CSGALNACT2: variants seen among roughly 807,000 people sequenced by gnomAD.
CSGALNACT2 encodes the protein chondroitin sulfate N-acetylgalactosaminyltransferase 2.
CSGALNACT2 carries 35 observed loss-of-function variants against 55.3 expected under a neutral mutation model. That is an observed-to-expected ratio of 0.63 (90% CI 0.48 to 0.84). CSGALNACT2 has a LOEUF of 0.84. CSGALNACT2 is among the 40% of genes least tolerant of loss of function. The probability of loss-of-function intolerance (pLI) is 0.00; values close to 1 mark genes in which losing one functional copy is unlikely to be tolerated. For missense variants in CSGALNACT2, 544 were observed against 657.5 expected (o/e 0.83, Z 1.89); for synonymous variants, 196 against 224.9 (o/e 0.87, Z 1.15).
Position 43,138,506 on chromosome 10 carries a change from G to A in CSGALNACT2, c.-315G>A, listed in dbSNP as rs1343999959. ...TGAGGCGGCGGCGGGCCCAAGGCGTGAGGCGCCGCCCGGGTGTCCCCGCGG... is the reference window on the plus strand; with the variant it reads ...TGAGGCGGCGGCGGGCCCAAGGCGTAAGGCGCCGCCCGGGTGTCCCCGCGG... On this transcript the variant is annotated 5_prime_UTR_variant, in exon 1 of 8. Coordinates refer to ENST00000374466, the MANE Select transcript of CSGALNACT2 (RefSeq NM_018590.5). 1 of 150,532 alleles carries A rather than the reference G, an allele frequency of 6.6e-6. No individual in the cohort carries two copies. Among genetic ancestry groups the A allele is most frequent in the Non-Finnish European group, 1.5e-5 (1 of 67,556 alleles). 9.3% of individuals were successfully genotyped at this position (150,532 alleles called of 1,614,324 possible).
chr10:43,176,351 T>C (rs1039978827), intron 7 of CSGALNACT2, among the ~76,000 whole-genome samples: 1 of 152,216 alleles, frequency 6.6e-6, no homozygotes, highest in African/African-American at 2.4e-5. Flanking sequence ...TCTCTATAAC[T>C]TTACTGTTGT....
At position 43,157,811 on chromosome 10, in the gene CSGALNACT2, A is replaced by G. The variant is rs552637606; in HGVS notation, c.662-904A>G. Among the ~76,000 whole-genome samples, 5 of 152,186 alleles carry G rather than the reference A, an allele frequency of 3.3e-5. No homozygotes were observed. The South Asian group carries it at 1.0e-3, about 32-fold the overall frequency. ...TTTGGGAGGCCGAGGTGGGCAGATT[A>G]TGAGGTCAAGAGATCAAGACCATCC... On this transcript the variant is annotated intron_variant, in intron 2 of 7. Transcript: ENST00000374466.
intron 1 of CSGALNACT2, among the ~76,000 whole-genome samples, chr10:43,145,126 G>T (rs1240496175): frequency 6.6e-6 from 1 of 152,108 alleles, no homozygotes; most frequent in African/African-American, 2.4e-5. Flanking sequence ...ACAAGTTTTG[G>T]TATTGTTAAA....
rs774294643 is a variant in CSGALNACT2 at position 43,155,720 on chromosome 10, A to C, written c.571A>C (p.Ile191Leu). The C allele has an allele frequency of 1.2e-6, 2 of 1,614,200 alleles. No homozygotes were observed. Among genetic ancestry groups the C allele is most frequent in the South Asian group, 2.2e-5 (2 of 91,086 alleles). Residue 191 changes from isoleucine to leucine, a missense_variant, in exon 2 of 8, where the codon ATT becomes CTT. Coordinates refer to ENST00000374466, the MANE Select transcript of CSGALNACT2 (RefSeq NM_018590.5). ...VEVIEAGLEV[I>L]NNPDEDDEQE... ...AGTTATTGAAGCGGGCTTGGAGGTC[A>C]TTAATAATCCTGATGAAGATGATGA... is the stretch of plus-strand genomic sequence containing the variant.
At chr10:43,164,194 C>A in intron 5 of CSGALNACT2, 150 bp downstream of exon 5, 2 of 649,384 alleles carry the variant, frequency 3.1e-6, no homozygotes, top group Non-Finnish European at 2.5e-6. Flanking sequence ...AACTGGAATA[C>A]TAAATAGGAA....
At chr10:43,138,897 T>A (rs987549873) in intron 1 of CSGALNACT2, among the ~76,000 whole-genome samples, 3 of 152,214 alleles carry the variant, frequency 2.0e-5, no homozygotes, top group African/African-American at 4.8e-5. Context: ...AAAATAGTTC[T>A]GCCCTCAGCC....
chr10:43,176,532 C>T (rs531342936), intron 7 of CSGALNACT2, among the ~76,000 whole-genome samples: 4 of 152,258 alleles, frequency 2.6e-5, no homozygotes, highest in East Asian at 3.9e-4. Flanking sequence ...GGAATCACAC[C>T]TTAGTCATGC....
intron 3 of CSGALNACT2, among the ~76,000 whole-genome samples, chr10:43,159,216 A>T (rs796258830): frequency 1.3e-5 from 2 of 152,344 alleles, no homozygotes; most frequent in African/African-American, 2.4e-5. Flanking sequence ...TTGAATTTTT[A>T]AAAAATCAAC....
chr10:43,182,690 C>A (rs1839610049), intron 7 of CSGALNACT2, among the ~76,000 whole-genome samples: 1 of 147,254 alleles, frequency 6.8e-6, no homozygotes, highest in Non-Finnish European at 1.5e-5. Flanking sequence ...CCAGCCTGGG[C>A]AACATGGTGA....
Position 43,155,294 on chromosome 10 carries a change from G to A in CSGALNACT2, c.145G>A (p.Gly49Arg), listed in dbSNP as rs759317317. 10 of 1,614,102 alleles carry A rather than the reference G, an allele frequency of 6.2e-6. No homozygotes were observed. The South Asian group carries it at 1.1e-4, about 18-fold the overall frequency. Residue 49 changes from glycine to arginine, a missense_variant, in exon 2 of 8, where the codon GGG becomes AGG. Around this residue, in one of 2 missense-constraint regions of CSGALNACT2, gnomAD observed 374 missense variants for 401.3 expected, o/e 0.93. Transcript: ENST00000374466. The stretch of plus-strand genomic sequence containing the variant: ...AAATGCATCTCTTCCTGGTGTTGTT[G>A]GGGAAAATTATGGTAAAGAGTATTA... The part of the protein sequence containing the change: ...DGNASLPGVV[G>R]ENYGKEYYQA...
chr10:43,170,029 A>G (rs1469353780), intron 6 of CSGALNACT2, among the ~76,000 whole-genome samples: 1 of 152,244 alleles, frequency 6.6e-6, no homozygotes, highest in African/African-American at 2.4e-5. Flanking sequence ...TGATAAATGT[A>G]TACATTGAGA....
Position 43,163,864 on chromosome 10 carries a change from A to G in CSGALNACT2, c.981-2A>G. The G allele has an allele frequency of 6.2e-7, 1 of 1,611,540 alleles. No homozygotes were observed. The highest frequency in any genetic ancestry group is 8.5e-7 in the Non-Finnish European group (1 of 1,178,458). On this transcript the variant is annotated splice_acceptor_variant, in intron 4 of 7. Coordinates refer to ENST00000374466, the MANE Select transcript of CSGALNACT2 (RefSeq NM_018590.5). LOFTEE classifies it high-confidence loss of function. ...CATTTGTTGTGTGTGCTTTCCTCAT[A>G]GTGAGTCTAATTTTCACAATTACAC...
chr10:43,185,062 A>G lies in CSGALNACT2; in HGVS notation c.*1520A>G, dbSNP rs1268065123. 2.0e-5 allele frequency: 3 copies of G among 152,014 alleles called. No individual in the cohort carries two copies. The highest frequency in any genetic ancestry group is 4.4e-5 in the Non-Finnish European group (3 of 67,982). The allele number at this position is 152,014 out of a possible 1,614,324, so 9.4% of individuals were successfully genotyped here. On this transcript the variant is annotated 3_prime_UTR_variant, in exon 8 of 8. Coordinates refer to ENST00000374466, the MANE Select transcript of CSGALNACT2 (RefSeq NM_018590.5). Reference sequence around the variant, plus strand: ...AATTCAGGCCACTGTCTCCTTTTATATATTATTATAATTATTTATTATGAA... The same window carrying G: ...AATTCAGGCCACTGTCTCCTTTTATGTATTATTATAATTATTTATTATGAA...
rs190099695 is a variant in CSGALNACT2, at chr10:43,148,462, T to A, written c.-253-6435T>A. ...GATTCTTGAAGAGGATTGTGTTTAA[T>A]CTGTACATTAATTGGGGAATATTAC... On this transcript the variant is annotated intron_variant, in intron 1 of 7. Coordinates refer to ENST00000374466, the MANE Select transcript of CSGALNACT2 (RefSeq NM_018590.5). Among the ~76,000 whole-genome samples the A allele has an allele frequency of 9.8e-5, 15 of 152,350 alleles. No individual in the cohort carries two copies. In the East Asian group the frequency reaches 2.9e-3, roughly 29 times the overall value.
At chr10:43,144,558 T>C (rs1306499563) in intron 1 of CSGALNACT2, among the ~76,000 whole-genome samples, 1 of 45,192 alleles carries the variant, frequency 2.2e-5, no homozygotes, top group Non-Finnish European at 4.4e-5. Flanking sequence ...GTAAACAAAC[T>C]GGAGGGGTTT....
At position 43,155,795 on chromosome 10, in the gene CSGALNACT2, A is replaced by T; in HGVS notation, c.646A>T (p.Asn216Tyr). The change falls in exon 2 of 8, where the codon AAT (asparagine) becomes TAT (tyrosine). Residue 216 changes from asparagine (N) to tyrosine (Y), a missense_variant. By Grantham distance (143) the Asn-to-Tyr change is moderately radical. Transcript: ENST00000374466. ...TGGAGAGAAACTGATATTTAATGAA[A>T]ATGACTTCGTAGAAGGTAATGTGAA... ...PLGEKLIFNE[N>Y]DFVEGYYRTE... The T allele has an allele frequency of 1.2e-6, 2 of 1,607,816 alleles. No homozygotes were observed. Among genetic ancestry groups the T allele is most frequent in the Non-Finnish European group, 1.7e-6 (2 of 1,177,226 alleles).
chr10:43,161,391 A>C (rs2133124689), intron 4 of CSGALNACT2, among the ~76,000 whole-genome samples: 1 of 152,334 alleles, frequency 6.6e-6, no homozygotes, highest in South Asian at 2.1e-4. Flanking sequence ...TATCATCTCT[A>C]ACCACACCAG....
intron 4 of CSGALNACT2, chr10:43,163,351 A>G (rs1839192784): frequency 1.6e-6 from 1 of 635,988 alleles, no homozygotes; most frequent in Admixed American, 6.3e-5. Flanking sequence ...TGGGAGAGAC[A>G]CTGGAACAAA....
At chr10:43,142,040 C>G (rs1838638903) in intron 1 of CSGALNACT2, among the ~76,000 whole-genome samples, 1 of 152,092 alleles carries the variant, frequency 6.6e-6, no homozygotes, top group South Asian at 2.1e-4. Context: ...GTTGTTTAAC[C>G]TTTTTATCAC....
Sources: gnomAD v4.1 joint callset for allele counts (sites outside exome capture counted in the v4.1 genomes callset) on GRCh38, gnomAD v4.1.1 for gene constraint, gnomAD v4.1.1 regional missense constraint, MANE v1.5 for transcripts, NCBI Gene and HGNC (gene_info 2026-07-23, HGNC 2026-07-21) for gene names.